Variants in PTPRJ observed in about 807,000 individuals in gnomAD.
The protein encoded by PTPRJ is receptor-type tyrosine-protein phosphatase eta.
In PTPRJ, 129 loss-of-function variants were observed where a neutral mutation model predicts 141.3. That is an observed-to-expected ratio of 0.91 (90% CI 0.79 to 1.06). The LOEUF (loss-of-function observed/expected upper bound fraction) is 1.06. PTPRJ is among the 50% of genes least tolerant of loss of function. PTPRJ has a pLI of 0.00. For synonymous variants in PTPRJ, 610 were observed against 640.5 expected (o/e 0.95, Z 0.72); for missense variants, 1,601 against 1,679.7 (o/e 0.95, Z 0.82).
intron 1 of PTPRJ, among the ~76,000 whole-genome samples, chr11:48,004,079 C>CCTG (rs1473352892): frequency 2.0e-5 from 3 of 152,188 alleles, no homozygotes; most frequent in African/African-American, 7.2e-5. Context: ...CAAAGGTCAT[C>CCTG]AGGTGCTCTC....
chr11:48,164,344 A>G, intron 23 of PTPRJ, 36 bp from the exon 24 acceptor site: 3 of 1,607,386 alleles, frequency 1.9e-6, no homozygotes, highest in Non-Finnish European at 1.7e-6. Context: ...AGTCGAGGGA[A>G]CCCACTGTAA....
intron 1 of PTPRJ, among the ~76,000 whole-genome samples, chr11:48,008,724 C>T (rs1854690716): frequency 6.6e-6 from 1 of 151,954 alleles, no homozygotes; most frequent in Non-Finnish European, 1.5e-5. Flanking sequence ...GCCACCACGC[C>T]CGGCTAATTT....
rs568987435 is a variant in PTPRJ, at chr11:48,010,238, C to T, written c.96+29230C>T. Among the ~76,000 whole-genome samples the T allele has an allele frequency of 1.1e-4, 17 of 152,146 alleles. No individual in the cohort carries two copies. In the South Asian group the frequency reaches 2.5e-3, roughly 22 times the overall value. ...TGTCGCCCAGGCTGGAGTAGAGTGG[C>T]GTTATCACGGCTCACTGCAACCTCC... On this transcript the variant is annotated intron_variant, in intron 1 of 24. Transcript: ENST00000418331.
chr11:48,031,470 C>T (rs995582777), intron 1 of PTPRJ, among the ~76,000 whole-genome samples: 4 of 152,196 alleles, frequency 2.6e-5, no homozygotes, highest in Admixed American at 6.5e-5. Flanking sequence ...AAGCATGATA[C>T]AGATGATGAA....
chr11:48,161,430 T>C (rs1164732575), intron 22 of PTPRJ, among the ~76,000 whole-genome samples: 2 of 152,054 alleles, frequency 1.3e-5, no homozygotes, highest in Non-Finnish European at 2.9e-5. Flanking sequence ...CCACAAGTCA[T>C]GGATAAAGTA....
rs12809012 is a variant in PTPRJ at position 48,167,320 on chromosome 11, G to A, written c.3972G>A (p.Ala1324=). ...TTAMTIYENL[A]PVTTFGKTNG... ...CAATGACAATCTATGAAAACCTTGC[G>A]CCCGTGACCACATTTGGAAAGACCA... Residue 1324 remains alanine, a synonymous_variant, in exon 25 of 25, where the codon GCG becomes GCA. Coordinates refer to ENST00000418331, the MANE Select transcript of PTPRJ (RefSeq NM_002843.4). The A allele has an allele frequency of 0.064, 103,138 of 1,613,648 alleles. 3,609 individuals are homozygous for A. Among genetic ancestry groups the A allele is most frequent in the African/African-American group, 0.11 (8,168 of 74,960 alleles).
At chr11:48,116,900 T>C (rs1390815769) in intron 3 of PTPRJ, among the ~76,000 whole-genome samples, 1 of 152,216 alleles carries the variant, frequency 6.6e-6, no homozygotes, top group African/African-American at 2.4e-5. Context: ...TTTGTTAACA[T>C]ATTTCTTTTT....
intron 1 of PTPRJ, among the ~76,000 whole-genome samples, chr11:48,053,278 TA>T (rs1476831004): frequency 1.3e-4 from 12 of 89,900 alleles, no homozygotes; most frequent in South Asian, 2.5e-4. Context: ...TATAAATATA[TA>T]AATATATAAA....
At chr11:48,047,329 A>G (rs1337264213) in intron 1 of PTPRJ, among the ~76,000 whole-genome samples, 1 of 152,152 alleles carries the variant, frequency 6.6e-6, no homozygotes. Context: ...CTAACAAGTA[A>G]AGTGAAGTCC....
At chr11:47,993,928 A>G (rs1191322064) in intron 1 of PTPRJ, among the ~76,000 whole-genome samples, 1 of 151,038 alleles carries the variant, frequency 6.6e-6, no homozygotes, top group Non-Finnish European at 1.5e-5. Flanking sequence ...TCCCGGGTTC[A>G]AGCAGTTCTC....
At chr11:48,053,145 AAAAT>A (rs1264603302) in intron 1 of PTPRJ, among the ~76,000 whole-genome samples, 1 of 116,600 alleles carries the variant, frequency 8.6e-6, no homozygotes, top group Non-Finnish European at 1.7e-5. Context: ...TAAATATATA[AAAAT>A]AAATATATAT....
At chr11:48,041,903 G>A (rs930004567) in intron 1 of PTPRJ, among the ~76,000 whole-genome samples, 2 of 148,372 alleles carry the variant, frequency 1.3e-5, no homozygotes, top group African/African-American at 2.5e-5. Flanking sequence ...ATGAGCTACC[G>A]CACCCAGCCT....
chr11:48,129,927 G>A (rs577080135), intron 7 of PTPRJ, among the ~76,000 whole-genome samples: 2 of 152,208 alleles, frequency 1.3e-5, no homozygotes, highest in South Asian at 2.1e-4. Context: ...CTCATGCTTC[G>A]TTGAGCAAAA....
chr11:48,007,248 C>T (rs1365172690), intron 1 of PTPRJ, among the ~76,000 whole-genome samples: 2 of 151,044 alleles, frequency 1.3e-5, no homozygotes, highest in Non-Finnish European at 2.9e-5. Flanking sequence ...CTACAGGTGC[C>T]TGCCACCACG....
chr11:48,021,716 A>G (rs1855129827), intron 1 of PTPRJ, among the ~76,000 whole-genome samples: 1 of 152,206 alleles, frequency 6.6e-6, no homozygotes, highest in Non-Finnish European at 1.5e-5. Context: ...ATGCTTTAAT[A>G]TGAGTCTAGC....
At chr11:47,988,179 A>G (rs1854098711) in intron 1 of PTPRJ, among the ~76,000 whole-genome samples, 1 of 152,196 alleles carries the variant, frequency 6.6e-6, no homozygotes, top group African/African-American at 2.4e-5. Flanking sequence ...TGGAGCCTAT[A>G]ACACAGTGGT....
chr11:47,989,575 G>GC lies in PTPRJ; in HGVS notation c.96+8571dup, dbSNP rs1208555659. 9.3e-5 allele frequency among the ~76,000 whole-genome samples: 14 copies of GC among 151,340 alleles called. No homozygotes were observed. The East Asian group carries it at 2.5e-3, about 27-fold the overall frequency. On this transcript the variant is annotated intron_variant, in intron 1 of 24. Coordinates refer to ENST00000418331, the MANE Select transcript of PTPRJ (RefSeq NM_002843.4). ...TTACAGGCGTGAGCCACTGTGCCAG[G>GC]CCCCATTTTTTGTTTTTTGGTTAAC... is the stretch of plus-strand genomic sequence containing the variant.
chr11:48,039,598 C>A (rs1194737821), intron 1 of PTPRJ, among the ~76,000 whole-genome samples: 2 of 151,894 alleles, frequency 1.3e-5, no homozygotes, highest in Admixed American at 1.3e-4. Flanking sequence ...ATCTTCCCTA[C>A]TCCTTTCCTG....
chr11:48,076,286 T>G (rs1330152972), intron 1 of PTPRJ, among the ~76,000 whole-genome samples: 1 of 152,254 alleles, frequency 6.6e-6, no homozygotes. Flanking sequence ...CTTCTGTTTC[T>G]CTAATGGTGT....
Sources: allele counts gnomAD v4.1 joint callset (sites outside exome capture counted in the v4.1 genomes callset), GRCh38; gene constraint gnomAD v4.1.1; transcripts MANE v1.5; gene names NCBI Gene and HGNC (gene_info 2026-07-23, HGNC 2026-07-21).